LAPTM4A: variants seen among roughly 807,000 people sequenced by gnomAD.
The protein encoded by LAPTM4A is lysosomal protein transmembrane 4 alpha, also known as lysosomal-associated transmembrane protein 4A.
Under a neutral mutation model 29.9 loss-of-function variants are expected in LAPTM4A, and 19 were observed. The observed-to-expected ratio is 0.64, with a 90% CI of 0.44 to 0.93. The LOEUF (loss-of-function observed/expected upper bound fraction) is 0.93, where lower values mean the gene tolerates loss of function less well. LAPTM4A is among the 40% of genes least tolerant of loss of function. LAPTM4A has a pLI of 0.00. For synonymous variants in LAPTM4A, 105 were observed against 102.1 expected, an observed-to-expected ratio of 1.03 and a Z score of -0.17; for missense variants, 293 against 288.5, an observed-to-expected ratio of 1.02 and a Z score of -0.11.
At chr2:20,043,548 T>C (rs547278805) in intron 1 of LAPTM4A, among the ~76,000 whole-genome samples, 77 of 152,366 alleles carry the variant, frequency 5.1e-4, no homozygotes, top group African/African-American at 1.8e-3. Flanking sequence ...AACTATTATA[T>C]ACTTCTCTCC....
intron 1 of LAPTM4A, among the ~76,000 whole-genome samples, chr2:20,044,843 C>T (rs1673876781): frequency 6.6e-6 from 1 of 152,214 alleles, no homozygotes; most frequent in African/African-American, 2.4e-5. Context: ...CATTAGATCA[C>T]ATCATTTCAT....
rs991488700 is a variant in LAPTM4A, at chr2:20,035,419, T to G, written c.433-357A>C. Among the ~76,000 whole-genome samples, 9 of 152,248 alleles carry G rather than the reference T, an allele frequency of 5.9e-5. 1 individual carries two copies. Among genetic ancestry groups the G allele is most frequent in the African/African-American group, 1.4e-4 (6 of 41,470 alleles). ...TCACTTGCATCATTAACTCAGGAGA[T>G]GCTCAGTTCTGTGTAAGTTCTACAG... On this transcript the variant is annotated intron_variant, in intron 4 of 6. Transcript: ENST00000175091.
At chr2:20,049,051 C>A (rs1673998888) in intron 1 of LAPTM4A, among the ~76,000 whole-genome samples, 1 of 152,206 alleles carries the variant, frequency 6.6e-6, no homozygotes, top group Admixed American at 6.5e-5. Context: ...TCTGATATTA[C>A]TGATCACCTT....
chr2:20,044,693 A>T (rs1007331109), intron 1 of LAPTM4A, among the ~76,000 whole-genome samples: 1 of 152,244 alleles, frequency 6.6e-6, no homozygotes, highest in African/African-American at 2.4e-5. Context: ...TTCAAGTTTA[A>T]TTTCACTGTG....
rs377562679 is a variant in LAPTM4A at position 20,048,691 on chromosome 2, A to G, written c.111+2719T>C. On this transcript the variant is annotated intron_variant, in intron 1 of 6. Transcript: ENST00000175091. ...TAAAAAGAAACATAAATATTCTCCC[A>G]TGCAGACTGAATTATTGCCTCACCA... is the stretch of plus-strand genomic sequence containing the variant. Among the ~76,000 whole-genome samples, 15 of 152,350 alleles carry G rather than the reference A, an allele frequency of 9.8e-5. No individual in the cohort carries two copies. In the East Asian group the frequency reaches 2.9e-3, roughly 29 times the overall value.
At chr2:20,033,990 T>A (rs1349400210) in intron 6 of LAPTM4A, among the ~76,000 whole-genome samples, 2 of 152,154 alleles carry the variant, frequency 1.3e-5, no homozygotes. Flanking sequence ...CAAGTTTCAG[T>A]CAATGGAACT....
At chr2:20,043,610 C>G (rs1217507561) in intron 1 of LAPTM4A, among the ~76,000 whole-genome samples, 1 of 152,190 alleles carries the variant, frequency 6.6e-6, no homozygotes, top group East Asian at 1.9e-4. Context: ...CTTTTATCAG[C>G]TGAAGTCATT....
chr2:20,040,300 A>G lies in LAPTM4A; in HGVS notation c.232+591T>C, dbSNP rs143858939. On this transcript the variant is annotated intron_variant, in intron 2 of 6. Transcript: ENST00000175091. ...ATTTTACACATTTCTCAAAAACTTAATAGTCCATTACATTTTCTGGCTAGA... is the reference window on the plus strand; with the variant it reads ...ATTTTACACATTTCTCAAAAACTTAGTAGTCCATTACATTTTCTGGCTAGA... 3.7e-3 allele frequency among the ~76,000 whole-genome samples: 565 copies of G among 152,326 alleles called. 4 individuals carry two copies. Among genetic ancestry groups the G allele is most frequent in the African/African-American group, 0.013 (531 of 41,578 alleles).
chr2:20,037,546 C>T lies in LAPTM4A; in HGVS notation c.301G>A (p.Ala101Thr). ...FIISSMLVYG[A>T]ISYQVGWLIP... The stretch of plus-strand genomic sequence containing the variant: ...AAATACAGTATACTTACAGAAATTG[C>T]TCCATAAACCAGCATTGAACTGATT... Residue 101 changes from alanine (A) to threonine (T), a missense_variant, in exon 3 of 7, where the codon GCA becomes ACA. Coordinates refer to ENST00000175091, the MANE Select transcript of LAPTM4A (RefSeq NM_014713.5). The T allele has an allele frequency of 6.2e-7, 1 of 1,609,258 alleles. No individual in the cohort carries two copies. The highest frequency in any genetic ancestry group is 8.5e-7 in the Non-Finnish European group (1 of 1,177,768).
chr2:20,039,973 G>A (rs1673759768), intron 2 of LAPTM4A, among the ~76,000 whole-genome samples: 1 of 152,038 alleles, frequency 6.6e-6, no homozygotes, highest in Non-Finnish European at 1.5e-5. Flanking sequence ...TTGAACCCAG[G>A]AGGCAGAGGT....
chr2:20,039,453 C>T (rs995063822), intron 2 of LAPTM4A, among the ~76,000 whole-genome samples: 1 of 152,164 alleles, frequency 6.6e-6, no homozygotes, highest in African/African-American at 2.4e-5. Context: ...AAATAATCGG[C>T]TTTCAAGAGT....
At chr2:20,041,887 A>G (rs1319709995) in intron 1 of LAPTM4A, among the ~76,000 whole-genome samples, 4 of 152,164 alleles carry the variant, frequency 2.6e-5, no homozygotes, top group African/African-American at 9.7e-5. Flanking sequence ...AAGTGCTCCA[A>G]TACCTGAAAA....
At position 20,037,866 on chromosome 2, in the gene LAPTM4A, G is replaced by A. The variant is rs369649303; in HGVS notation, c.233-252C>T. Among the ~76,000 whole-genome samples, 62 of 152,154 alleles carry A rather than the reference G, an allele frequency of 4.1e-4. No individual in the cohort carries two copies. In the East Asian group the frequency reaches 8.7e-3, roughly 21 times the overall value. The stretch of plus-strand genomic sequence containing the variant: ...CGACTCACTGACATGGGTGTAGGAT[G>A]GCACATGAACCACATTCTCTGCTAG... On this transcript the variant is annotated intron_variant, in intron 2 of 6. Coordinates refer to ENST00000175091, the MANE Select transcript of LAPTM4A (RefSeq NM_014713.5).
intron 4 of LAPTM4A, 131 bp from the exon 5 acceptor site, chr2:20,035,193 A>AT (rs1673655422): frequency 1.5e-6 from 1 of 662,194 alleles, no homozygotes; most frequent in African/African-American, 1.8e-5. Flanking sequence ...TATAAGCAGA[A>AT]TTTAATTCAA....
At chr2:20,042,187 A>G (rs1673813726) in intron 1 of LAPTM4A, among the ~76,000 whole-genome samples, 1 of 151,164 alleles carries the variant, frequency 6.6e-6, no homozygotes, top group South Asian at 2.1e-4. Flanking sequence ...CTGGTCTTGA[A>G]CTCTTGGCCT....
At chr2:20,040,139 T>C (rs1673763932) in intron 2 of LAPTM4A, among the ~76,000 whole-genome samples, 1 of 152,182 alleles carries the variant, frequency 6.6e-6, no homozygotes, top group Non-Finnish European at 1.5e-5. Context: ...TATCATCACC[T>C]TGGAGGTTAA....
chr2:20,043,745 T>G (rs1673856415), intron 1 of LAPTM4A, among the ~76,000 whole-genome samples: 2 of 152,164 alleles, frequency 1.3e-5, no homozygotes, highest in Admixed American at 6.5e-5. Context: ...ACATGTGTAT[T>G]TACGTGTATT....
chr2:20,039,961 G>A (rs1000467676), intron 2 of LAPTM4A, among the ~76,000 whole-genome samples: 7 of 151,924 alleles, frequency 4.6e-5, no homozygotes, highest in Admixed American at 2.0e-4. Context: ...CAGGAGAATC[G>A]CTTGAACCCA....
Position 20,049,313 on chromosome 2 carries a change from T to C in LAPTM4A, c.111+2097A>G, listed in dbSNP as rs145274560. 1.4e-3 allele frequency among the ~76,000 whole-genome samples: 214 copies of C among 152,320 alleles called. 1 individual carries two copies. The highest frequency in any genetic ancestry group is 5.0e-3 in the African/African-American group (207 of 41,580). On this transcript the variant is annotated intron_variant, in intron 1 of 6. Coordinates refer to ENST00000175091, the MANE Select transcript of LAPTM4A (RefSeq NM_014713.5). ...ATCAATTTAAGACAGGTCAAACGATTTAAGAAGTTTACAATAAAATGTTTT... is the reference window on the plus strand; with the variant it reads ...ATCAATTTAAGACAGGTCAAACGATCTAAGAAGTTTACAATAAAATGTTTT...
Sources: gnomAD v4.1 joint callset for allele counts (sites outside exome capture counted in the v4.1 genomes callset) on GRCh38, gnomAD v4.1.1 for gene constraint, MANE v1.5 for transcripts, NCBI Gene and HGNC (gene_info 2026-07-23, HGNC 2026-07-21) for gene names.